Variants in LINGO2 observed in about 807,000 individuals in gnomAD.
LINGO2 encodes leucine rich repeat and Ig domain containing 2, also known as leucine-rich repeat and immunoglobulin-like domain-containing nogo receptor-interacting protein 2.
In LINGO2, 14 loss-of-function variants were observed where a neutral mutation model predicts 30.6. That is an observed-to-expected ratio of 0.46 (90% CI 0.30 to 0.72). The LOEUF is 0.72. LINGO2 is among the 30% of genes least tolerant of loss of function. The pLI, the probability that LINGO2 is intolerant of heterozygous loss-of-function variation, is 0.07. For synonymous variants in LINGO2, 317 were observed against 288.5 expected (o/e 1.10, Z -1.00); for missense variants, 729 against 751.7 (o/e 0.97, Z 0.35).
chr9:27,967,591 TTTTG>T (rs1372077502), intron 5 of LINGO2, among the ~76,000 whole-genome samples: 1 of 152,154 alleles, frequency 6.6e-6, no homozygotes, highest in African/African-American at 2.4e-5. Context: ...TGCTTCTATT[TTTTG>T]TTTATTTATA....
chr9:28,937,274 C>T, the LINGO2 span, among the ~76,000 whole-genome samples: 4 of 152,074 alleles, frequency 2.6e-5, no homozygotes, highest in Non-Finnish European at 4.4e-5. Context: ...TCACATATCG[C>T]GTATGGTAAG....
the LINGO2 span, among the ~76,000 whole-genome samples, chr9:28,701,431 GT>G: frequency 6.6e-6 from 1 of 151,728 alleles, no homozygotes; most frequent in African/African-American, 2.4e-5. Context: ...CCATTCTATT[GT>G]CTTTGCGCCT....
chr9:28,529,329 A>C (rs1182138760), intron 1 of LINGO2, among the ~76,000 whole-genome samples: 2 of 152,152 alleles, frequency 1.3e-5, no homozygotes, highest in Non-Finnish European at 2.9e-5. Context: ...AGATTACTTA[A>C]CTATTTAAGG....
At chr9:28,846,724 C>T in the LINGO2 span, among the ~76,000 whole-genome samples, 1 of 147,766 alleles carries the variant, frequency 6.8e-6, no homozygotes, top group Non-Finnish European at 1.5e-5. Flanking sequence ...AATCTTCTTC[C>T]CTACACTGCA....
chr9:28,047,812 C>T (rs1182494766), intron 4 of LINGO2, among the ~76,000 whole-genome samples: 1 of 150,360 alleles, frequency 6.7e-6, no homozygotes, highest in Non-Finnish European at 1.5e-5. Flanking sequence ...ATTTTTTTTA[C>T]AGAAACCTAT....
At chr9:28,932,107 A>AAAAATAAAATAACAT in the LINGO2 span, among the ~76,000 whole-genome samples, 1 of 107,564 alleles carries the variant, frequency 9.3e-6, no homozygotes, top group Non-Finnish European at 1.8e-5. Context: ...ACTCTGACAA[A>AAAAATAAAATAACAT]AAAATAAAAT....
At chr9:28,183,421 A>T (rs1819429323) in intron 4 of LINGO2, among the ~76,000 whole-genome samples, 1 of 149,992 alleles carries the variant, frequency 6.7e-6, no homozygotes, top group Non-Finnish European at 1.5e-5. Flanking sequence ...CCCAGAAATT[A>T]ATTTTTTTTT....
chr9:28,875,921 C>T, the LINGO2 span, among the ~76,000 whole-genome samples: 21 of 152,170 alleles, frequency 1.4e-4, no homozygotes, highest in African/African-American at 5.1e-4. Context: ...CTTGTTAAAG[C>T]CATTCACATT....
chr9:28,638,562 C>G (rs567337164), intron 1 of LINGO2, among the ~76,000 whole-genome samples: 2 of 152,166 alleles, frequency 1.3e-5, no homozygotes, highest in South Asian at 4.1e-4. Context: ...GGGTATGTGT[C>G]GAGGAATTTA....
intron 4 of LINGO2, among the ~76,000 whole-genome samples, chr9:28,186,915 T>A (rs571628713): frequency 6.6e-6 from 1 of 152,078 alleles, no homozygotes; most frequent in Non-Finnish European, 1.5e-5. Context: ...GGGATTTACT[T>A]TGCCTTTTAC....
the LINGO2 span, among the ~76,000 whole-genome samples, chr9:28,833,185 C>T: frequency 6.6e-6 from 1 of 152,212 alleles, no homozygotes; most frequent in African/African-American, 2.4e-5. Context: ...AAAGCAGGCA[C>T]ATGACTTAGG....
At position 28,104,265 on chromosome 9, in the gene LINGO2, T is replaced by TG. The variant is rs1491149181; in HGVS notation, c.-86-91861dup. Among the ~76,000 whole-genome samples, 30 of 105,670 alleles carry TG rather than the reference T, an allele frequency of 2.8e-4. 1 individual carries two copies. Among genetic ancestry groups the TG allele is most frequent in the Non-Finnish European group, 5.7e-4 (29 of 51,304 alleles). The allele number at this position is 105,670 out of a possible 152,430, so 69.3% of individuals were successfully genotyped here. Reference sequence around the variant, plus strand: ...TTTTCCCCAGTACAAGTTTTTTGTTTGTTTTTTTTTTTTTTTTTTTTGCTT... The same window carrying TG: ...TTTTCCCCAGTACAAGTTTTTTGTTTGGTTTTTTTTTTTTTTTTTTTTGCTT... On this transcript the variant is annotated intron_variant, in intron 4 of 5. Transcript: ENST00000379992.
chr9:28,766,035 C>A, the LINGO2 span, among the ~76,000 whole-genome samples: 1 of 152,106 alleles, frequency 6.6e-6, no homozygotes, highest in South Asian at 2.1e-4. Context: ...TAGACCTTGG[C>A]AGTGATTTTT....
rs541136767 is a variant in LINGO2, at chr9:28,633,700, T to A, written c.-365+36500A>T. Among the ~76,000 whole-genome samples the A allele has an allele frequency of 2.0e-5, 3 of 152,326 alleles. No homozygotes were observed. The East Asian group carries it at 5.8e-4, about 29-fold the overall frequency. On this transcript the variant is annotated intron_variant, in intron 1 of 5. Transcript: ENST00000379992. Reference sequence around the variant, plus strand: ...GAGACCTTCACATGGATCACAGTACTGTGACGCTCCTTCCAACAATAAACT... The same window carrying A: ...GAGACCTTCACATGGATCACAGTACAGTGACGCTCCTTCCAACAATAAACT...
the LINGO2 span, among the ~76,000 whole-genome samples, chr9:29,115,545 A>C: frequency 6.6e-6 from 1 of 151,632 alleles, no homozygotes; most frequent in Non-Finnish European, 1.5e-5. Flanking sequence ...CAGATAAAAA[A>C]CTTACTGTGA....
chr9:28,612,416 A>G (rs1825957867), intron 1 of LINGO2, among the ~76,000 whole-genome samples: 1 of 152,146 alleles, frequency 6.6e-6, no homozygotes, highest in Non-Finnish European at 1.5e-5. Context: ...ATATCTGGAC[A>G]ATCAACACCA....
the LINGO2 span, among the ~76,000 whole-genome samples, chr9:28,875,044 T>C: frequency 6.6e-6 from 1 of 152,094 alleles, no homozygotes; most frequent in Admixed American, 6.6e-5. Context: ...ACTGAACTAC[T>C]GATTTGACAC....
chr9:28,582,989 T>A (rs1262877840), intron 1 of LINGO2, among the ~76,000 whole-genome samples: 1 of 152,058 alleles, frequency 6.6e-6, no homozygotes, highest in African/African-American at 2.4e-5. Flanking sequence ...ATACACAGTA[T>A]AATTCTGTGA....
At chr9:28,809,305 G>A in the LINGO2 span, among the ~76,000 whole-genome samples, 1 of 152,184 alleles carries the variant, frequency 6.6e-6, no homozygotes, top group Non-Finnish European at 1.5e-5. Flanking sequence ...CTTGGCACCT[G>A]CCTGACTTTC....
Sources: allele counts gnomAD v4.1 joint callset (sites outside exome capture counted in the v4.1 genomes callset), GRCh38; gene constraint gnomAD v4.1.1; transcripts MANE v1.5; gene names NCBI Gene and HGNC (gene_info 2026-07-23, HGNC 2026-07-21).